ADAM12: variants seen among roughly 807,000 people sequenced by gnomAD.
The protein encoded by ADAM12 is disintegrin and metalloproteinase domain-containing protein 12.
Under a neutral mutation model 106.4 loss-of-function variants are expected in ADAM12, and 70 were observed. That is an observed-to-expected ratio of 0.66 (90% CI 0.54 to 0.80). The LOEUF (loss-of-function observed/expected upper bound fraction) is 0.80. Among genes scored for constraint, ADAM12 ranks in the 30% least tolerant of loss-of-function variants. The pLI is 0.00. For synonymous variants in ADAM12, 420 were observed against 433.5 expected (o/e 0.97, Z 0.39); for missense variants, 1,010 against 1,171.9 (o/e 0.86, Z 2.02).
chr10:126,094,277 A>G (rs1295574937), intron 10 of ADAM12, 144 bp from the exon 11 acceptor site: 5 of 829,546 alleles, frequency 6.0e-6, no homozygotes, highest in Non-Finnish European at 8.9e-6. Context: ...AAACGCTATC[A>G]TTTAGTTTAA....
At chr10:126,027,323 T>A (rs1590302621) in intron 21 of ADAM12, among the ~76,000 whole-genome samples, 1 of 152,142 alleles carries the variant, frequency 6.6e-6, no homozygotes, top group East Asian at 1.9e-4. Flanking sequence ...CCATTTCTAC[T>A]GAAACTATTC....
At chr10:126,322,394 G>A (rs1181905156) in intron 2 of ADAM12, among the ~76,000 whole-genome samples, 2 of 152,198 alleles carry the variant, frequency 1.3e-5, no homozygotes, top group Non-Finnish European at 2.9e-5. Flanking sequence ...TTCTCACCGT[G>A]CAGTGGTTCT....
chr10:126,277,418 C>T (rs1235105258), intron 3 of ADAM12, among the ~76,000 whole-genome samples: 3 of 152,218 alleles, frequency 2.0e-5, no homozygotes, highest in East Asian at 1.9e-4. Flanking sequence ...AAAGAACACT[C>T]CTAAATCCAG....
At chr10:126,368,099 G>T in intron 1 of ADAM12, among the ~76,000 whole-genome samples, 1 of 151,720 alleles carries the variant, frequency 6.6e-6, no homozygotes, top group East Asian at 1.9e-4. Context: ...ATATATAAAC[G>T]TGTGCATATA....
chr10:126,164,534 T>C (rs539541543), intron 3 of ADAM12, among the ~76,000 whole-genome samples: 3 of 152,344 alleles, frequency 2.0e-5, no homozygotes, highest in South Asian at 4.1e-4. Context: ...TACTTTCATA[T>C]GTGGGACTAA....
intron 21 of ADAM12, among the ~76,000 whole-genome samples, chr10:126,028,934 G>A (rs1169189342): frequency 2.0e-5 from 3 of 152,082 alleles, no homozygotes; most frequent in African/African-American, 7.2e-5. Context: ...ACAGTAAAAA[G>A]TGGGCAAAAG....
intron 3 of ADAM12, among the ~76,000 whole-genome samples, chr10:126,165,995 A>G (rs1376164213): frequency 6.6e-6 from 1 of 152,242 alleles, no homozygotes; most frequent in Non-Finnish European, 1.5e-5. Flanking sequence ...TTCCCCTGGA[A>G]TAAAAAAAGC....
At chr10:126,379,466 T>G (rs1003585053) in intron 1 of ADAM12, among the ~76,000 whole-genome samples, 3 of 151,968 alleles carry the variant, frequency 2.0e-5, no homozygotes, top group Non-Finnish European at 4.4e-5. Context: ...CCGCATGTTC[T>G]CACCCATAAG....
chr10:126,155,324 A>G lies in ADAM12; in HGVS notation c.261-19T>C. 6.2e-7 allele frequency: 1 copy of G among 1,607,344 alleles called. No individual in the cohort carries two copies. Among genetic ancestry groups the G allele is most frequent in the Non-Finnish European group, 8.5e-7 (1 of 1,174,184 alleles). On this transcript the variant is annotated intron_variant, in intron 3 of 22. Coordinates refer to ENST00000448723, the MANE Select transcript of ADAM12 (RefSeq NM_001288973.2). ...GAGACCTCTGCGGAAAAACAAAAACACCATAAAAAGATGAGTGCAGAATTG... is the reference window on the plus strand; with the variant it reads ...GAGACCTCTGCGGAAAAACAAAAACGCCATAAAAAGATGAGTGCAGAATTG...
chr10:126,077,633 A>G (rs982292409), intron 11 of ADAM12, among the ~76,000 whole-genome samples: 2 of 152,242 alleles, frequency 1.3e-5, no homozygotes, highest in East Asian at 1.9e-4. Context: ...TGACAAAAAT[A>G]AACAATGGTG....
chr10:126,386,489 T>C (rs1227308760), intron 1 of ADAM12, among the ~76,000 whole-genome samples: 1 of 152,180 alleles, frequency 6.6e-6, no homozygotes. Flanking sequence ...TCCTGGAATA[T>C]ATCACAATAG....
rs994795114 is a variant in ADAM12 at position 126,267,390 on chromosome 10, T to C, written c.260+11525A>G. On this transcript the variant is annotated intron_variant, in intron 3 of 22. Coordinates refer to ENST00000448723, the MANE Select transcript of ADAM12 (RefSeq NM_001288973.2). ...TTATTTCTATTATTACATTGTAATA[T>C]ATAATGAAATAATTATACAACTCAC... Among the ~76,000 whole-genome samples the C allele has an allele frequency of 1.1e-4, 16 of 152,216 alleles. No individual in the cohort carries two copies. The South Asian group carries it at 1.7e-3, about 16-fold the overall frequency.
intron 5 of ADAM12, among the ~76,000 whole-genome samples, chr10:126,125,503 A>G (rs1255498353): frequency 6.6e-6 from 1 of 152,026 alleles, no homozygotes; most frequent in Non-Finnish European, 1.5e-5. Flanking sequence ...TCGGCCTCCC[A>G]AAGTGCTGGA....
chr10:126,153,849 G>T (rs572184636), intron 4 of ADAM12, among the ~76,000 whole-genome samples: 2 of 152,280 alleles, frequency 1.3e-5, no homozygotes, highest in South Asian at 4.1e-4. Flanking sequence ...TCTTGACTGG[G>T]AATTCCATTC....
At chr10:126,330,330 C>T in intron 2 of ADAM12, 82 bp downstream of exon 2, 1 of 1,205,392 alleles carries the variant, frequency 8.3e-7, no homozygotes. Flanking sequence ...AGAGACAACC[C>T]TTGAATGAGA....
intron 3 of ADAM12, among the ~76,000 whole-genome samples, chr10:126,193,229 A>AACTCC (rs1957535921): frequency 7.0e-6 from 1 of 142,818 alleles, no homozygotes; most frequent in South Asian, 2.2e-4. Context: ...TGTGCCACTG[A>AACTCC]ACTCCAGCCT....
chr10:126,083,011 G>A (rs981940902), intron 11 of ADAM12, among the ~76,000 whole-genome samples: 1 of 152,220 alleles, frequency 6.6e-6, no homozygotes, highest in African/African-American at 2.4e-5. Context: ...AGCACGCCTG[G>A]TAGGCCAGGG....
rs375792545 is a variant in ADAM12 at position 126,064,977 on chromosome 10, T to C, written c.1438A>G (p.Arg480Gly). 190 of 1,611,922 alleles carry C rather than the reference T, an allele frequency of 1.2e-4. No individual in the cohort carries two copies. The highest frequency in any genetic ancestry group is 1.6e-4 in the Non-Finnish European group (183 of 1,179,342). The change falls in exon 14 of 23, where the codon AGG becomes GGG. Residue 480 changes from arginine to glycine, a missense_variant. Arg to Gly is a moderately radical substitution (Grantham distance 125). Transcript: ENST00000448723. The surrounding 1 kb of genome is among the most constrained non-coding windows in gnomAD (Gnocchi z 4.4). ...AGGTCACAGGAGTTGCTGGAGTCCC[T>C]GCACGCTGTTCCTGCAGGCTTCAGC... ...CQLKPAGTACRDSSNSCDLPE... is the reference protein window; with the variant it reads ...CQLKPAGTACGDSSNSCDLPE...
chr10:126,038,364 C>T lies in ADAM12; in HGVS notation c.2241-15G>A. Reference sequence around the variant, plus strand: ...GGCGCACACACCTGCAACAGAATCCCATACCTGCTGACCAAGCGTGTTTCC... The same window carrying T: ...GGCGCACACACCTGCAACAGAATCCTATACCTGCTGACCAAGCGTGTTTCC... On this transcript the variant is annotated splice_polypyrimidine_tract_variant and intron_variant, in intron 19 of 22. Coordinates refer to ENST00000448723, the MANE Select transcript of ADAM12 (RefSeq NM_001288973.2). 6.4e-7 allele frequency: 1 copy of T among 1,550,670 alleles called. No homozygotes were observed. The highest frequency in any genetic ancestry group is 8.7e-7 in the Non-Finnish European group (1 of 1,146,792).
Sources: gnomAD v4.1 joint callset for allele counts (sites outside exome capture counted in the v4.1 genomes callset) on GRCh38, gnomAD v4.1.1 for gene constraint, Gnocchi (gnomAD v3.1) non-coding constraint, MANE v1.5 for transcripts, NCBI Gene and HGNC (gene_info 2026-07-23, HGNC 2026-07-21) for gene names.